The following ASIC2 variants were observed in gnomAD, a reference collection of about 807,000 sequenced individuals.
The protein encoded by ASIC2 is acid sensing ion channel subunit 2, also known as acid-sensing ion channel 2.
ASIC2 carries 25 observed loss-of-function variants against 57.3 expected under a neutral mutation model. The ratio of observed to expected loss-of-function variants is 0.44; its 90% CI spans 0.32 to 0.61. ASIC2 has a LOEUF of 0.61. ASIC2 is among the 20% of genes least tolerant of loss of function. ASIC2 has a pLI of 0.06. For missense variants in ASIC2, 641 were observed against 738.1 expected, an observed-to-expected ratio of 0.87 and a Z score of 1.52; for synonymous variants, 319 against 307.5, an observed-to-expected ratio of 1.04 and a Z score of -0.39.
In ASIC2 at chr17:33,746,386, A is replaced by T. The variant is rs377427550; in HGVS notation, c.555+409592T>A. The stretch of plus-strand genomic sequence containing the variant: ...TATGTAGATATACATGTATATCTAC[A>T]TATATAGGTAGATACATGTATGTAT... On this transcript the variant is annotated intron_variant, in intron 1 of 9. Coordinates refer to the ASIC2 transcript ENST00000359872. 2.7e-5 allele frequency among the ~76,000 whole-genome samples: 4 copies of T among 149,060 alleles called. No homozygotes were observed. The East Asian group carries it at 6.0e-4, about 22-fold the overall frequency.
intron 1 of ASIC2, among the ~76,000 whole-genome samples, chr17:33,537,665 T>C (rs1354834748): frequency 6.6e-6 from 1 of 152,016 alleles, no homozygotes; most frequent in African/African-American, 2.4e-5. Flanking sequence ...ATAATGTGGG[T>C]GGAGGTTCTG....
chr17:33,455,101 T>C (rs1228933444), intron 1 of ASIC2, among the ~76,000 whole-genome samples: 1 of 152,270 alleles, frequency 6.6e-6, no homozygotes, highest in Non-Finnish European at 1.5e-5. Flanking sequence ...GCTTTTGTTG[T>C]ATACAGGTAT....
intron 8 of ASIC2, 52 bp downstream of exon 8, chr17:33,017,553 G>T: frequency 6.7e-7 from 1 of 1,500,524 alleles, no homozygotes; most frequent in South Asian, 1.2e-5. Context: ...CCTGGGGCAC[G>T]ATGAGGGCAC....
At chr17:33,170,192 GA>G (rs771704090) in intron 1 of ASIC2, among the ~76,000 whole-genome samples, 24 of 152,178 alleles carry the variant, frequency 1.6e-4, no homozygotes, top group Non-Finnish European at 2.8e-4. Context: ...TATTTTCACG[GA>G]AATGTCTGGC....
intron 1 of ASIC2, among the ~76,000 whole-genome samples, chr17:33,673,509 G>A (rs1457508906): frequency 6.6e-6 from 1 of 152,168 alleles, no homozygotes; most frequent in Non-Finnish European, 1.5e-5. Flanking sequence ...CTTTTTTAAA[G>A]ATGGGGAAAC....
intron 1 of ASIC2, among the ~76,000 whole-genome samples, chr17:33,563,032 A>G (rs567142926): frequency 6.6e-6 from 1 of 152,326 alleles, no homozygotes; most frequent in African/African-American, 2.4e-5. Context: ...GAGCTGTTGC[A>G]GGGAGATTGC....
Position 33,977,517 on chromosome 17 carries a change from T to C in ASIC2, c.555+178461A>G, listed in dbSNP as rs561314887. 3.3e-5 allele frequency among the ~76,000 whole-genome samples: 5 copies of C among 152,338 alleles called. No homozygotes were observed. The South Asian group carries it at 6.2e-4, about 19-fold the overall frequency. On this transcript the variant is annotated intron_variant, in intron 1 of 9. Transcript: ENST00000359872. ...ACAAAGTGCACGTCTAGATTTCACATTTATCCAACAAATATTTATTGAGCA... is the reference window on the plus strand; with the variant it reads ...ACAAAGTGCACGTCTAGATTTCACACTTATCCAACAAATATTTATTGAGCA...
intron 1 of ASIC2, among the ~76,000 whole-genome samples, chr17:33,475,338 C>A (rs1597742262): frequency 6.6e-6 from 1 of 151,930 alleles, no homozygotes; most frequent in Admixed American, 6.6e-5. Context: ...ACAATGGAAT[C>A]GTATGTTGTA....
At chr17:33,634,590 A>G (rs1234797209) in intron 1 of ASIC2, 1 of 141,374 alleles carries the variant, frequency 7.1e-6, no homozygotes, top group Non-Finnish European at 1.5e-5. Flanking sequence ...ATCTTGGCTC[A>G]CTGCAAGCTC....
intron 1 of ASIC2, among the ~76,000 whole-genome samples, chr17:34,098,729 G>C (rs899178057): frequency 6.6e-6 from 1 of 152,146 alleles, no homozygotes; most frequent in African/African-American, 2.4e-5. Flanking sequence ...GACTGTATAT[G>C]AACCACACTA....
rs539337348 is a variant in ASIC2 at position 33,051,261 on chromosome 17, A to G, written c.988-22869T>C. 2.0e-5 allele frequency among the ~76,000 whole-genome samples: 3 copies of G among 152,310 alleles called. No homozygotes were observed. The South Asian group carries it at 6.2e-4, about 32-fold the overall frequency. Reference sequence around the variant, plus strand: ...AAGGCAAAGTGATTTTCTAGAAATAATTTAGCAGGTCAGAGGTACAGTTTG... The same window carrying G: ...AAGGCAAAGTGATTTTCTAGAAATAGTTTAGCAGGTCAGAGGTACAGTTTG... On this transcript the variant is annotated intron_variant, in intron 3 of 9. Transcript: ENST00000225823.
chr17:33,827,212 G>A (rs554447618), intron 1 of ASIC2, among the ~76,000 whole-genome samples: 1 of 152,168 alleles, frequency 6.6e-6, no homozygotes, highest in Admixed American at 6.5e-5. Flanking sequence ...ATATTCAGTT[G>A]CAGTCAGAGG....
At chr17:33,541,083 A>G (rs529105670) in intron 1 of ASIC2, among the ~76,000 whole-genome samples, 1 of 152,278 alleles carries the variant, frequency 6.6e-6, no homozygotes, top group South Asian at 2.1e-4. Context: ...AGGGAAAAAA[A>G]ATCAATGACT....
At chr17:33,981,202 G>A (rs62058160) in intron 1 of ASIC2, among the ~76,000 whole-genome samples, 26,246 of 151,786 alleles carry the variant, frequency 0.17, 2,447 homozygotes, top group South Asian at 0.25. Context: ...CACCTGCCTC[G>A]GCCTCCCAAA....
intron 1 of ASIC2, among the ~76,000 whole-genome samples, chr17:33,995,582 C>A (rs1906132073): frequency 6.6e-6 from 1 of 151,866 alleles, no homozygotes; most frequent in Non-Finnish European, 1.5e-5. Flanking sequence ...CCCGGCATAC[C>A]ATGTGATATA....
chr17:34,064,037 A>C (rs1018358153), intron 1 of ASIC2, among the ~76,000 whole-genome samples: 1 of 152,200 alleles, frequency 6.6e-6, no homozygotes, highest in African/African-American at 2.4e-5. Context: ...TCTAAAATTC[A>C]TATAGAACCA....
chr17:34,123,619 G>A (rs961777081), intron 1 of ASIC2, among the ~76,000 whole-genome samples: 29 of 152,192 alleles, frequency 1.9e-4, no homozygotes, highest in Admixed American at 9.2e-4. Context: ...AGATAGTCTA[G>A]GTCCAAATCC....
intron 1 of ASIC2, chr17:34,001,453 G>A (rs1229877062): frequency 1.3e-5 from 2 of 152,400 alleles, no homozygotes; most frequent in African/African-American, 4.8e-5. Context: ...TGGGTCCAGT[G>A]GGGCTGGTGC....
At chr17:33,872,313 C>T (rs1914437342) in intron 1 of ASIC2, among the ~76,000 whole-genome samples, 1 of 152,122 alleles carries the variant, frequency 6.6e-6, no homozygotes, top group East Asian at 1.9e-4. Context: ...CTACACACAG[C>T]CTGAACCAAG....
Sources: gnomAD v4.1 joint callset for allele counts (sites outside exome capture counted in the v4.1 genomes callset) on GRCh38, gnomAD v4.1.1 for gene constraint, MANE v1.5 for transcripts, NCBI Gene and HGNC (gene_info 2026-07-23, HGNC 2026-07-21) for gene names.